Variants in RHOT1 observed in about 807,000 individuals in gnomAD.
RHOT1 encodes the protein mitochondrial Rho GTPase 1.
Under a neutral mutation model 95.3 loss-of-function variants are expected in RHOT1, and 27 were observed. That is an observed-to-expected ratio of 0.28 (90% confidence interval 0.21 to 0.39). The LOEUF (loss-of-function observed/expected upper bound fraction) is 0.39. Ranked by LOEUF, RHOT1 falls within the 10% of genes least tolerant of loss-of-function variation. RHOT1 has a pLI of 1.00. For missense variants in RHOT1, 578 were observed against 786.7 expected, an observed-to-expected ratio of 0.73 and a Z score of 3.17; for synonymous variants, 227 against 263.5, an observed-to-expected ratio of 0.86 and a Z score of 1.34.
intron 19 of RHOT1, among the ~76,000 whole-genome samples, chr17:32,218,368 G>A (rs1026801755): frequency 5.9e-5 from 9 of 151,974 alleles, no homozygotes; most frequent in African/African-American, 2.2e-4. Flanking sequence ...CAAGCTGGGT[G>A]TGATGGCTCA....
intron 1 of RHOT1, among the ~76,000 whole-genome samples, chr17:32,154,232 G>A (rs79659501): frequency 0.032 from 4,861 of 150,804 alleles, 260 homozygotes; most frequent in African/African-American, 0.11. Context: ...CTTGAGCCCA[G>A]GGGTTTGAGG....
chr17:32,162,260 G>A (rs2033634424), intron 1 of RHOT1, among the ~76,000 whole-genome samples: 1 of 152,076 alleles, frequency 6.6e-6, no homozygotes, highest in African/African-American at 2.4e-5. Context: ...TGAACTCTGT[G>A]GTTGAAAGGG....
intron 8 of RHOT1, among the ~76,000 whole-genome samples, chr17:32,188,409 A>T (rs557721688): frequency 6.6e-6 from 1 of 152,378 alleles, no homozygotes; most frequent in South Asian, 2.1e-4. Context: ...AAAGGCAAAC[A>T]TCAAGAAAAT....
Position 32,150,485 on chromosome 17 carries a change from TTAGACTG to T in RHOT1, c.37+7760_37+7766del, listed in dbSNP as rs1248626126. On this transcript the variant is annotated intron_variant, in intron 1 of 19. Transcript: ENST00000545287. ...GTTTTCTGGAATTCCAGGCTGTCTG[TTAGACTG>T]TAGTCTTTAAAGCCTTGCCTTATCA... 5.4e-6 allele frequency: 6 copies of T among 1,117,278 alleles called. No individual in the cohort carries two copies. The East Asian group carries it at 1.4e-4, about 27-fold the overall frequency. The allele number at this position is 1,117,278 out of a possible 1,614,324, so 69.2% of individuals were successfully genotyped here. A position where few individuals can be genotyped will look rare whatever the true frequency, so the allele number is the denominator to read the frequency against.
chr17:32,146,314 G>A (rs1009336955), intron 1 of RHOT1, among the ~76,000 whole-genome samples: 1 of 152,102 alleles, frequency 6.6e-6, no homozygotes, highest in Non-Finnish European at 1.5e-5. Context: ...GCACAAAAGA[G>A]GCACTCAGGT....
intron 19 of RHOT1, among the ~76,000 whole-genome samples, chr17:32,220,664 A>G (rs1449573409): frequency 6.6e-6 from 1 of 152,014 alleles, no homozygotes. Flanking sequence ...GTGAAACCCC[A>G]TCTCTACTAA....
chr17:32,221,126 C>T (rs1369297619), intron 19 of RHOT1: 7 of 807,238 alleles, frequency 8.7e-6, no homozygotes, highest in African/African-American at 1.9e-5. Flanking sequence ...TCAGCACTTT[C>T]GGAAGCCGAG....
At chr17:32,199,592 G>C (rs1421663247) in intron 13 of RHOT1, 42 bp downstream of exon 13, 1 of 1,499,952 alleles carries the variant, frequency 6.7e-7, no homozygotes, top group South Asian at 1.3e-5. Flanking sequence ...GTTACAAATA[G>C]TTTAAAATTA....
intron 11 of RHOT1, among the ~76,000 whole-genome samples, chr17:32,195,856 CT>C (rs1326083988): frequency 6.6e-6 from 1 of 152,144 alleles, no homozygotes; most frequent in Non-Finnish European, 1.5e-5. Flanking sequence ...ATAGGACTCT[CT>C]CATAAGGTTT....
intron 19 of RHOT1, among the ~76,000 whole-genome samples, chr17:32,223,635 G>A (rs1017142065): frequency 1.3e-5 from 2 of 151,540 alleles, no homozygotes; most frequent in Non-Finnish European, 2.9e-5. Context: ...GGCCAGTCTC[G>A]AACTCCTGAC....
chr17:32,205,944 T>C (rs2037690959), intron 16 of RHOT1, among the ~76,000 whole-genome samples: 1 of 152,174 alleles, frequency 6.6e-6, no homozygotes, highest in African/African-American at 2.4e-5. Flanking sequence ...AGAACAAAAA[T>C]GACCTTACTG....
chr17:32,150,311 C>G (rs2032130160), intron 1 of RHOT1: 1 of 278,930 alleles, frequency 3.6e-6, no homozygotes, highest in African/African-American at 2.2e-5. Flanking sequence ...CATAAATTCA[C>G]TGTAATCTGT....
chr17:32,174,556 T>C (rs1015920143), intron 3 of RHOT1, among the ~76,000 whole-genome samples: 1 of 152,240 alleles, frequency 6.6e-6, no homozygotes, highest in Non-Finnish European at 1.5e-5. Flanking sequence ...CCTTAACCCA[T>C]TGATTACTTA....
At chr17:32,183,070 G>GT (rs1023432828) in intron 7 of RHOT1, 101 bp from the exon 8 acceptor site, 205 of 1,039,054 alleles carry the variant, frequency 2.0e-4, no homozygotes, top group Middle Eastern at 5.9e-4. Flanking sequence ...TGCATTTTTC[G>GT]TTTTTTTTCA....
At chr17:32,178,433 C>T (rs2035219771) in intron 6 of RHOT1, among the ~76,000 whole-genome samples, 1 of 152,110 alleles carries the variant, frequency 6.6e-6, no homozygotes, top group Non-Finnish European at 1.5e-5. Flanking sequence ...CTCGGGTGAT[C>T]TGCCTGCCGT....
At chr17:32,204,948 A>C (rs1176072455) in intron 16 of RHOT1, among the ~76,000 whole-genome samples, 1 of 150,110 alleles carries the variant, frequency 6.7e-6, no homozygotes. Context: ...GTGCCACTGC[A>C]CTCCAGCCTG....
intron 19 of RHOT1, among the ~76,000 whole-genome samples, chr17:32,215,728 G>T (rs2038431618): frequency 6.6e-6 from 1 of 152,110 alleles, no homozygotes; most frequent in Non-Finnish European, 1.5e-5. Context: ...AGTATAGAAA[G>T]AATGAATTAA....
chr17:32,174,841 G>T (rs770541567), intron 3 of RHOT1, among the ~76,000 whole-genome samples: 45 of 152,210 alleles, frequency 3.0e-4, no homozygotes, highest in Admixed American at 1.2e-3. Context: ...ATACATGCTA[G>T]AGAGGGAATT....
chr17:32,217,801 T>G (rs2038572661), intron 19 of RHOT1, among the ~76,000 whole-genome samples: 1 of 151,440 alleles, frequency 6.6e-6, no homozygotes, highest in African/African-American at 2.4e-5. Flanking sequence ...ATTGAAACAT[T>G]TGGAGAAACA....
Sources: gnomAD v4.1 joint callset for allele counts (sites outside exome capture counted in the v4.1 genomes callset) on GRCh38, gnomAD v4.1.1 for gene constraint, MANE v1.5 for transcripts, NCBI Gene and HGNC (gene_info 2026-07-23, HGNC 2026-07-21) for gene names.